The following CHD3 variants were observed in gnomAD, a reference collection of about 807,000 sequenced individuals.
CHD3 encodes chromodomain helicase DNA binding protein 3.
CHD3 carries 52 observed loss-of-function variants against 248.9 expected under a neutral mutation model. That is an observed-to-expected ratio of 0.21 (90% CI 0.17 to 0.26). CHD3 has a LOEUF of 0.26. Among genes scored for constraint, CHD3 ranks in the 10% least tolerant of loss-of-function variants. The pLI, the probability that CHD3 is intolerant of heterozygous loss-of-function variation, is 1.00. For synonymous variants in CHD3, 985 were observed against 985.2 expected, an observed-to-expected ratio of 1.00 and a Z score of 0.00; for missense variants, 1,482 against 2,605.8, an observed-to-expected ratio of 0.57 and a Z score of 9.39.
Position 7,908,700 on chromosome 17 carries a change from T to C in CHD3, c.5265T>C (p.His1755=). The change falls in exon 36 of 40, where the codon CAT becomes CAC. Residue 1755 remains histidine (H), a synonymous_variant. Transcript: ENST00000330494. The surrounding 1 kb of genome is among the most constrained non-coding windows in gnomAD (Gnocchi z 5.8). ...DYWLLAGIVL[H]GYARWQDIQN... is the part of the protein sequence containing the mutation. Reference sequence around the variant, plus strand: ...GTTCCTTTTCCTTCATTGGTAGCCATGGCTATGCACGGTGGCAGGACATCC... The same window carrying C: ...GTTCCTTTTCCTTCATTGGTAGCCACGGCTATGCACGGTGGCAGGACATCC... 1.9e-6 allele frequency: 3 copies of C among 1,614,182 alleles called. No homozygotes were observed. The highest frequency in any genetic ancestry group is 2.5e-6 in the Non-Finnish European group (3 of 1,180,004).
At chr17:7,884,868 A>G, upstream of CHD3, 3 of 1,260,332 alleles carry the variant, frequency 2.4e-6, no homozygotes, top group Non-Finnish European at 3.2e-6. Flanking sequence ...TCGGAGGAGG[A>G]AGAAGAGGAG....
At position 7,910,744 on chromosome 17, in the gene CHD3, A is replaced by T; in HGVS notation, c.5755-103A>T. ...GTGAGTCTCCCTGCCTGTGTATCCT[A>T]CCCTTAGCAGTTGTGGAGTGTGGCT... On this transcript the variant is annotated intron_variant, in intron 38 of 39. Coordinates refer to ENST00000330494, the MANE Select transcript of CHD3 (RefSeq NM_001005273.3). This position sits in a 1 kb window ranked among gnomAD's most constrained non-coding sequence, Gnocchi z 4.7. 1 of 1,520,448 alleles carries T rather than the reference A, an allele frequency of 6.6e-7. No individual in the cohort carries two copies. The highest frequency in any genetic ancestry group is 8.9e-7 in the Non-Finnish European group (1 of 1,129,032). The allele number at this position is 1,520,448 out of a possible 1,614,324, so 94.2% of individuals were successfully genotyped here.
chr17:7,906,734 C>T lies in CHD3; in HGVS notation c.4503+37C>T, dbSNP rs1449822811. The T allele has an allele frequency of 1.3e-6, 2 of 1,585,042 alleles. No individual in the cohort carries two copies. Among genetic ancestry groups the T allele is most frequent in the Non-Finnish European group, 8.6e-7 (1 of 1,164,352 alleles). On this transcript the variant is annotated intron_variant, in intron 29 of 39. Coordinates refer to ENST00000330494, the MANE Select transcript of CHD3 (RefSeq NM_001005273.3). The surrounding 1 kb of genome is among the most constrained non-coding windows in gnomAD (Gnocchi z 5.0). Reference sequence around the variant, plus strand: ...CCTGTCACCCAAAGAATCAAGCTGGCTGCCTAGTCTCTGTCCTTCCTCTGC... The same window carrying T: ...CCTGTCACCCAAAGAATCAAGCTGGTTGCCTAGTCTCTGTCCTTCCTCTGC...
Position 7,908,327 on chromosome 17 carries a change from A to G in CHD3, c.5153-75A>G. ...TTCCCTTTCATTATTCAGTTTCTCC[A>G]TCTCTACCTGTCTGTTGGACTGAGT... On this transcript the variant is annotated intron_variant, in intron 34 of 39. Coordinates refer to ENST00000330494, the MANE Select transcript of CHD3 (RefSeq NM_001005273.3). This position sits in a 1 kb window ranked among gnomAD's most constrained non-coding sequence, Gnocchi z 5.8. 1 of 1,187,480 alleles carries G rather than the reference A, an allele frequency of 8.4e-7. No homozygotes were observed. Among genetic ancestry groups the G allele is most frequent in the Non-Finnish European group, 1.2e-6 (1 of 814,756 alleles). The allele number at this position is 1,187,480 out of a possible 1,614,324, so 73.6% of individuals were successfully genotyped here. A position where few individuals can be genotyped will look rare whatever the true frequency, so the allele number is the denominator to read the frequency against.
At position 7,904,447 on chromosome 17, in the gene CHD3, G is replaced by A. The variant is rs770972023; in HGVS notation, c.3900G>A (p.Glu1300=). 5.0e-6 allele frequency: 8 copies of A among 1,612,532 alleles called. No individual in the cohort carries two copies. In the South Asian group the frequency reaches 8.8e-5, roughly 18 times the overall value. Residue 1300 remains glutamate (E), a synonymous_variant, in exon 25 of 40, where the codon GAG becomes GAA. Coordinates refer to ENST00000330494, the MANE Select transcript of CHD3 (RefSeq NM_001005273.3). The surrounding 1 kb of genome is among the most constrained non-coding windows in gnomAD (Gnocchi z 4.4). ...QYVVREEDKI[E]EIEREIIKQE... ...TTCATTCTGTTGCCCTTCAGATTGA[G>A]GAAATTGAGCGAGAGATCATCAAGC...
At chr17:7,885,624 AG>A (rs1406827338), upstream of CHD3, among the ~76,000 whole-genome samples, 1 of 151,374 alleles carries the variant, frequency 6.6e-6, no homozygotes, top group Non-Finnish European at 1.5e-5. Context: ...GGACCGAGGG[AG>A]AGTGGGGTTT....
At chr17:7,894,841 C>G (rs1567844441) in intron 8 of CHD3, 76 bp from the exon 9 acceptor site, 1 of 1,573,960 alleles carries the variant, frequency 6.4e-7, no homozygotes, top group East Asian at 2.2e-5. Context: ...TTCAGGTGTC[C>G]TGTCTTTGCC....
rs554265399 is a variant in CHD3 at position 7,905,625 on chromosome 17, T to C, written c.4143T>C (p.Arg1381=). The stretch of plus-strand genomic sequence containing the variant: ...TGATGTCATCCCCACCCTCAGGGCG[T>C]AGACAGTCAAAGAGGCAGCTCCGGA... ...DEDFDERPEG[R]RQSKRQLRNE... Residue 1381 remains arginine (R), a synonymous_variant, in exon 27 of 40, where the codon CGT becomes CGC. Transcript: ENST00000330494. This position sits in a 1 kb window ranked among gnomAD's most constrained non-coding sequence, Gnocchi z 5.8. 109 of 1,600,874 alleles carry C rather than the reference T, an allele frequency of 6.8e-5. 1 individual carries two copies. The South Asian group carries it at 1.2e-3, about 18-fold the overall frequency.
Position 7,912,004 on chromosome 17 carries a change from G to T in CHD3, c.*419G>T. The T allele has an allele frequency of 3.1e-6, 1 of 324,080 alleles. No individual in the cohort carries two copies. Among genetic ancestry groups the T allele is most frequent in the Non-Finnish European group, 6.0e-6 (1 of 167,498 alleles). The allele number at this position is 324,080 out of a possible 1,614,324, so 20.1% of individuals were successfully genotyped here. On this transcript the variant is annotated 3_prime_UTR_variant, in exon 40 of 40. Coordinates refer to ENST00000330494, the MANE Select transcript of CHD3 (RefSeq NM_001005273.3). ...CCTTGCCTGGCCTTTAGGAACTTTT[G>T]TGGGGAAGAGAGCTTTGAAGAGAGG...
upstream of CHD3, chr17:7,884,890 CGACGAG>C (rs1967501233): frequency 2.3e-6 from 3 of 1,297,700 alleles, no homozygotes; most frequent in Non-Finnish European, 3.0e-6. Context: ...AAGAAGAGGG[CGACGAG>C]GAGGAGGAGG....
At position 7,908,509 on chromosome 17, in the gene CHD3, C is replaced by T. The variant is rs764343442; in HGVS notation, c.5260C>T (p.Leu1754Phe). The stretch of plus-strand genomic sequence containing the variant: ...CTATTGGCTTCTGGCTGGGATTGTC[C>T]TGTATCCTTTGATACACATGCAAGA... The part of the protein sequence containing the change: ...HDYWLLAGIV[L>F]HGYARWQDIQ... Residue 1754 changes from leucine to phenylalanine, a missense_variant and splice_region_variant, in exon 35 of 40, where the codon CTC becomes TTC. By Grantham distance (22) the Leu-to-Phe change is conservative. Around this residue, in one of 20 missense-constraint regions of CHD3, gnomAD observed 36 missense variants for 70.4 expected, o/e 0.51. Coordinates refer to ENST00000330494, the MANE Select transcript of CHD3 (RefSeq NM_001005273.3). This position sits in a 1 kb window ranked among gnomAD's most constrained non-coding sequence, Gnocchi z 5.8. 7.4e-6 allele frequency: 12 copies of T among 1,612,670 alleles called. No individual in the cohort carries two copies. Among genetic ancestry groups the T allele is most frequent in the Non-Finnish European group, 1.0e-5 (12 of 1,179,002 alleles).
In CHD3 at chr17:7,905,736, C is replaced by T. The variant is rs1477990993; in HGVS notation, c.4224+30C>T. The T allele has an allele frequency of 3.1e-6, 5 of 1,612,898 alleles. No individual in the cohort carries two copies. The Admixed American group carries it at 8.3e-5, about 27-fold the overall frequency. On this transcript the variant is annotated intron_variant, in intron 27 of 39. Coordinates refer to ENST00000330494, the MANE Select transcript of CHD3 (RefSeq NM_001005273.3). This position sits in a 1 kb window ranked among gnomAD's most constrained non-coding sequence, Gnocchi z 5.8. ...GAGCTGGGCCCAGTGTTCCTGAGTT[C>T]TCCAAGAGGGCATGAGGGCAGGAGG...
At chr17:7,893,254 A>C in intron 4 of CHD3, 32 bp from the exon 5 acceptor site, 1 of 1,569,356 alleles carries the variant, frequency 6.4e-7, no homozygotes, top group African/African-American at 1.4e-5. Context: ...CCATCTGTGA[A>C]GGGTCCGAGT....
chr17:7,895,286 T>C lies in CHD3; in HGVS notation c.1504-53T>C, dbSNP rs549244419. On this transcript the variant is annotated intron_variant, in intron 9 of 39. Transcript: ENST00000330494. This position sits in a 1 kb window ranked among gnomAD's most constrained non-coding sequence, Gnocchi z 4.9. ...GGACCCCTATCTTCTCATCTAACAA[T>C]GGGTTCTTTCTGCCTCTTTCTTTCC... 1 of 1,602,244 alleles carries C rather than the reference T, an allele frequency of 6.2e-7. No homozygotes were observed. Among genetic ancestry groups the C allele is most frequent in the South Asian group, 1.1e-5 (1 of 90,074 alleles).
chr17:7,909,075 C>T lies in CHD3; in HGVS notation c.5395-68C>T. The T allele has an allele frequency of 6.5e-7, 1 of 1,539,208 alleles. No individual in the cohort carries two copies. The highest frequency in any genetic ancestry group is 8.8e-7 in the Non-Finnish European group (1 of 1,139,444). On this transcript the variant is annotated intron_variant, in intron 36 of 39. Coordinates refer to ENST00000330494, the MANE Select transcript of CHD3 (RefSeq NM_001005273.3). The surrounding 1 kb of genome is among the most constrained non-coding windows in gnomAD (Gnocchi z 8.1). ...GGGCAGGGTGGGTCTCTTGCTATGT[C>T]CGCCCCCCCAGCCCCTCACCCACTG...
Position 7,897,346 on chromosome 17 carries a change from C to A in CHD3, c.1919+52C>A. 2.1e-6 allele frequency: 3 copies of A among 1,441,962 alleles called. No homozygotes were observed. Among genetic ancestry groups the A allele is most frequent in the Non-Finnish European group, 2.9e-6 (3 of 1,032,108 alleles). 89.3% of individuals were successfully genotyped at this position (1,441,962 alleles called of 1,614,324 possible). On this transcript the variant is annotated intron_variant, in intron 11 of 39. Coordinates refer to ENST00000330494, the MANE Select transcript of CHD3 (RefSeq NM_001005273.3). The surrounding 1 kb of genome is among the most constrained non-coding windows in gnomAD (Gnocchi z 4.8). ...GACCTGGTATATGACATTATTCTTA[C>A]CATGGTGATGGCCCCATGTTAGTAT...
At position 7,908,860 on chromosome 17, in the gene CHD3, T is replaced by C. The variant is rs925119115; in HGVS notation, c.5394+31T>C. ...AATGAGGGAGGAAAGGAGCGGGTTA[T>C]AGACGGGCTTGGGTCAGAAGTGAGA... On this transcript the variant is annotated intron_variant, in intron 36 of 39. Transcript: ENST00000330494. This position sits in a 1 kb window ranked among gnomAD's most constrained non-coding sequence, Gnocchi z 5.8. 34 of 1,613,860 alleles carry C rather than the reference T, an allele frequency of 2.1e-5. No individual in the cohort carries two copies. The highest frequency in any genetic ancestry group is 2.9e-5 in the Non-Finnish European group (34 of 1,179,856).
intron 21 of CHD3, 52 bp downstream of exon 21, chr17:7,902,779 T>G (rs775437340): frequency 1.3e-6 from 2 of 1,592,938 alleles, no homozygotes; most frequent in Admixed American, 1.7e-5. Context: ...GAGAAACCTG[T>G]GATAGGTCCC....
chr17:7,896,447 C>G (rs990117090), intron 10 of CHD3, among the ~76,000 whole-genome samples: 8 of 147,630 alleles, frequency 5.4e-5, no homozygotes, highest in African/African-American at 2.0e-4. Context: ...CTCTTGTTGC[C>G]TAGGCTGGAG....
Sources: gnomAD v4.1 joint callset for allele counts (sites outside exome capture counted in the v4.1 genomes callset) on GRCh38, gnomAD v4.1.1 for gene constraint, gnomAD v4.1.1 regional missense constraint, Gnocchi (gnomAD v3.1) non-coding constraint, MANE v1.5 for transcripts, NCBI Gene and HGNC (gene_info 2026-07-23, HGNC 2026-07-21) for gene names.